Variants in AK3 observed in about 807,000 individuals in gnomAD.
AK3 encodes adenylate kinase 3, also known as GTP:AMP phosphotransferase AK3, mitochondrial.
AK3 carries 27 observed loss-of-function variants against 23.7 expected under a neutral mutation model. That is an observed-to-expected ratio of 1.14 (90% confidence interval 0.84 to 1.57). The LOEUF (loss-of-function observed/expected upper bound fraction) is 1.57. AK3 is among the 40% of genes most tolerant of loss of function. The probability of loss-of-function intolerance (pLI) is 0.00; values close to 1 mark genes in which losing one functional copy is unlikely to be tolerated. For synonymous variants in AK3, 159 were observed against 116.0 expected, an observed-to-expected ratio of 1.37 and a Z score of -2.38; for missense variants, 406 against 285.6, an observed-to-expected ratio of 1.42 and a Z score of -3.04.
chr9:4,729,015 A>ATATATATATATATATATTT (rs71326127), intron 1 of AK3, among the ~76,000 whole-genome samples: 35 of 129,422 alleles, frequency 2.7e-4, no homozygotes, highest in African/African-American at 5.3e-4. Flanking sequence ...ATATATATAT[A>ATATATATATATATATATTT]TTTTTTTTTT....
intron 4 of AK3, among the ~76,000 whole-genome samples, chr9:4,717,785 C>T (rs146932669): frequency 1.4e-3 from 211 of 152,308 alleles, no homozygotes; most frequent in African/African-American, 5.0e-3. Context: ...TCTAAGTGTT[C>T]TGAGCATGTT....
intron 1 of AK3, among the ~76,000 whole-genome samples, chr9:4,732,398 A>G (rs763012344): frequency 2.6e-5 from 4 of 152,176 alleles, no homozygotes; most frequent in Non-Finnish European, 5.9e-5. Flanking sequence ...AATTTTGGGG[A>G]TGTCAAAAGT....
At chr9:4,735,119 C>G (rs1399298289) in intron 1 of AK3, among the ~76,000 whole-genome samples, 1 of 150,034 alleles carries the variant, frequency 6.7e-6, no homozygotes, top group Non-Finnish European at 1.5e-5. Flanking sequence ...AAAGGTTGGG[C>G]ACTGTGGCTC....
intron 1 of AK3, among the ~76,000 whole-genome samples, chr9:4,728,534 G>A (rs1842069936): frequency 6.6e-6 from 1 of 152,164 alleles, no homozygotes; most frequent in Admixed American, 6.5e-5. Flanking sequence ...AGCTGCCACT[G>A]CACTCCAGCC....
At chr9:4,728,307 A>C (rs1019181599) in intron 1 of AK3, among the ~76,000 whole-genome samples, 1 of 152,254 alleles carries the variant, frequency 6.6e-6, no homozygotes, top group African/African-American at 2.4e-5. Context: ...ACAATGGCTC[A>C]TGCCTGTAAT....
At chr9:4,732,904 G>A (rs1322414116) in intron 1 of AK3, among the ~76,000 whole-genome samples, 2 of 150,124 alleles carry the variant, frequency 1.3e-5, no homozygotes, top group Non-Finnish European at 3.0e-5. Context: ...CCAATGCAGT[G>A]GCATGATTAT....
chr9:4,719,034 G>T, intron 3 of AK3, 101 bp downstream of exon 3: 1 of 1,298,916 alleles, frequency 7.7e-7, no homozygotes, highest in Non-Finnish European at 1.1e-6. Context: ...ACCCTCAGGA[G>T]TTTTGGTCAG....
chr9:4,740,206 A>ATC lies in AK3; in HGVS notation c.151+730_151+731insGA, dbSNP rs775055562. Among the ~76,000 whole-genome samples the ATC allele has an allele frequency of 7.2e-5, 11 of 152,178 alleles. No individual in the cohort carries two copies. The East Asian group carries it at 1.3e-3, about 19-fold the overall frequency. On this transcript the variant is annotated intron_variant, in intron 1 of 4. Coordinates refer to ENST00000381809, the MANE Select transcript of AK3 (RefSeq NM_016282.4). The stretch of plus-strand genomic sequence containing the variant: ...ATTTTTTGAGAAAAAAACTCCTGCG[A>ATC]TTGGCTTTTCAAAAACAACCCTCTT...
intron 1 of AK3, among the ~76,000 whole-genome samples, chr9:4,736,684 G>A (rs1842301682): frequency 6.6e-6 from 1 of 151,732 alleles, no homozygotes; most frequent in East Asian, 1.9e-4. Flanking sequence ...CTAGGGTTAT[G>A]TCTCCTTTTT....
At position 4,712,679 on chromosome 9, in the gene AK3, G is replaced by C. The variant is rs536409735; in HGVS notation, c.*297C>G. On this transcript the variant is annotated 3_prime_UTR_variant, in exon 5 of 5. Coordinates refer to ENST00000381809, the MANE Select transcript of AK3 (RefSeq NM_016282.4). ...CAACCACTTATTAACTGAACAAAAA[G>C]TTAGATTACTACCAAATGCTCTTTT... is the stretch of plus-strand genomic sequence containing the variant. The C allele has an allele frequency of 1.2e-4, 22 of 186,966 alleles. 1 individual carries two copies. In the South Asian group the frequency reaches 3.8e-3, roughly 32 times the overall value. The allele number at this position is 186,966 out of a possible 1,614,324, so 11.6% of individuals were successfully genotyped here.
intron 1 of AK3, among the ~76,000 whole-genome samples, chr9:4,740,696 G>C (rs1842408199): frequency 6.6e-6 from 1 of 152,026 alleles, no homozygotes; most frequent in Admixed American, 6.5e-5. Flanking sequence ...TCTGAACTTC[G>C]AGCTCGACCT....
upstream of AK3, chr9:4,741,233 G>A (rs2130923617): frequency 1.2e-5 from 11 of 933,138 alleles, no homozygotes; most frequent in African/African-American, 1.7e-5. Context: ...GAAGTGAGCC[G>A]ACAGCCCCTG....
chr9:4,729,926 G>C (rs956029937), intron 1 of AK3, among the ~76,000 whole-genome samples: 1 of 151,798 alleles, frequency 6.6e-6, no homozygotes, highest in Admixed American at 6.6e-5. Context: ...GTAGAAACAA[G>C]TCAAATGTCC....
intron 1 of AK3, among the ~76,000 whole-genome samples, chr9:4,735,266 T>TATATACAC (rs1554628161): frequency 0.023 from 310 of 13,332 alleles, 77 homozygotes; most frequent in African/African-American, 0.098. Flanking sequence ...TATATAAATA[T>TATATACAC]ATATATAAAT....
upstream of AK3, chr9:4,741,284 C>T (rs1307106179): frequency 1.2e-5 from 6 of 482,872 alleles, no homozygotes; most frequent in East Asian, 3.7e-5. Context: ...TTGCGTCCGC[C>T]TCTCGGCTAC....
At chr9:4,729,015 A>ATTTTTT (rs375640249) in intron 1 of AK3, among the ~76,000 whole-genome samples, 1 of 129,450 alleles carries the variant, frequency 7.7e-6, no homozygotes, top group African/African-American at 2.9e-5. Context: ...ATATATATAT[A>ATTTTTT]TTTTTTTTTT....
At chr9:4,714,111 T>C (rs924922604) in intron 4 of AK3, among the ~76,000 whole-genome samples, 1 of 9,240 alleles carries the variant, frequency 1.1e-4, no homozygotes, top group African/African-American at 3.7e-4. Context: ...CCTACACATA[T>C]ACACACCTCC....
At position 4,716,370 on chromosome 9, in the gene AK3, A is replaced by G. The variant is rs555743493; in HGVS notation, c.563+2049T>C. Among the ~76,000 whole-genome samples the G allele has an allele frequency of 1.0e-3, 154 of 152,318 alleles. 1 individual carries two copies. The highest frequency in any genetic ancestry group is 3.5e-3 in the African/African-American group (147 of 41,566). ...AGTGAACAATAATTGCTGACAATGA[A>G]TGATTTAATAGACACCAGGGCTGTT... On this transcript the variant is annotated intron_variant, in intron 4 of 4. Coordinates refer to ENST00000381809, the MANE Select transcript of AK3 (RefSeq NM_016282.4).
chr9:4,712,777 C>A lies in AK3; in HGVS notation c.*199G>T, dbSNP rs1563779692. The A allele has an allele frequency of 5.5e-6, 3 of 542,856 alleles. No individual in the cohort carries two copies. Among genetic ancestry groups the A allele is most frequent in the Non-Finnish European group, 9.1e-6 (3 of 329,744 alleles). 33.6% of individuals were successfully genotyped at this position (542,856 alleles called of 1,614,324 possible). On this transcript the variant is annotated 3_prime_UTR_variant, in exon 5 of 5. Transcript: ENST00000381809. ...TTTGAGGATAACTGCATACAACACACTAGATGATTTCAAACGATGCATCTT... is the reference window on the plus strand; with the variant it reads ...TTTGAGGATAACTGCATACAACACAATAGATGATTTCAAACGATGCATCTT...
Sources: allele counts gnomAD v4.1 joint callset (sites outside exome capture counted in the v4.1 genomes callset), GRCh38; gene constraint gnomAD v4.1.1; transcripts MANE v1.5; gene names NCBI Gene and HGNC (gene_info 2026-07-23, HGNC 2026-07-21).